Variants in ZNF91 observed in about 807,000 individuals in gnomAD.
The protein encoded by ZNF91 is zinc finger protein 91, also known as zinc finger protein 91 (HPF7, HTF10).
ZNF91 carries 7 observed loss-of-function variants against 12.6 expected under a neutral mutation model. The observed-to-expected ratio is 0.55, with a 90% CI of 0.31 to 1.04. ZNF91 has a LOEUF of 1.04. Among genes scored for constraint, ZNF91 ranks in the 50% least tolerant of loss-of-function variants. ZNF91 has a pLI of 0.05. For missense variants in ZNF91, 1,217 were observed against 1,385.4 expected, an observed-to-expected ratio of 0.88 and a Z score of 1.93; for synonymous variants, 453 against 462.6, an observed-to-expected ratio of 0.98 and a Z score of 0.27.
At chr19:23,383,191 C>A (rs1969775221) in intron 1 of ZNF91, among the ~76,000 whole-genome samples, 1 of 152,152 alleles carries the variant, frequency 6.6e-6, no homozygotes, top group Non-Finnish European at 1.5e-5. Flanking sequence ...TCAACATACA[C>A]AAATTAATAA....
upstream of ZNF91, among the ~76,000 whole-genome samples, chr19:23,313,447 T>C (rs538807921): frequency 1.1e-4 from 16 of 152,334 alleles, no homozygotes; most frequent in South Asian, 3.1e-3. Flanking sequence ...TGTTCTTCCC[T>C]CAGGGGAGAC....
At chr19:23,375,717 A>T (rs192994790) in intron 1 of ZNF91, among the ~76,000 whole-genome samples, 1 of 148,064 alleles carries the variant, frequency 6.8e-6, no homozygotes, top group African/African-American at 2.5e-5. Context: ...AAGAAAACCT[A>T]AAAAAAAAAG....
intron 3 of ZNF91, among the ~76,000 whole-genome samples, chr19:23,346,792 A>G (rs1371163332): frequency 6.6e-6 from 1 of 152,074 alleles, no homozygotes; most frequent in Non-Finnish European, 1.5e-5. Context: ...CTATCTCTCC[A>G]TGCCAACTTA....
chr19:23,334,215 G>A (rs923777027), downstream of ZNF91, among the ~76,000 whole-genome samples: 9 of 152,174 alleles, frequency 5.9e-5, no homozygotes, highest in African/African-American at 1.4e-4. Context: ...AGGACAAGAA[G>A]TAGAGTGTGA....
intron 1 of ZNF91, chr19:23,324,664 T>G (rs1299902158): frequency 3.9e-5 from 6 of 152,024 alleles, no homozygotes; most frequent in African/African-American, 1.4e-4. Context: ...AGATTATGAC[T>G]CACTGTAGCC....
intron 1 of ZNF91, chr19:23,326,607 A>AT (rs1967842935): frequency 6.6e-6 from 1 of 152,186 alleles, no homozygotes. Flanking sequence ...GATTACAGGC[A>AT]TAAGACACCA....
At chr19:23,307,147 C>T (rs1277398174) in intron 3 of ZNF91, 2 of 152,186 alleles carry the variant, frequency 1.3e-5, no homozygotes, top group African/African-American at 4.8e-5. Context: ...CTGCACTCAA[C>T]ACAAAGATTA....
Position 23,361,141 on chromosome 19 carries a change from C to T in ZNF91, c.1838G>A (p.Trp613Ter), listed in dbSNP as rs1394629357. ...CTTATGTCTTCTTAGGGTTGAGGAC[C>T]ATAGAAATGCTTTGCCACATTCTTC... ...KCEECGKAFLWSSTLRRHKRI... is the reference protein window; with the variant it reads ...KCEECGKAFL Residue 613 changes from tryptophan (W) to a stop codon, truncating the protein, a stop_gained, in exon 4 of 4, where the codon TGG becomes TAG. Coordinates refer to ENST00000300619, the MANE Select transcript of ZNF91 (RefSeq NM_003430.4). LOFTEE classifies it low-confidence loss of function (END_TRUNC). 6.2e-7 allele frequency: 1 copy of T among 1,610,998 alleles called. No individual in the cohort carries two copies. The highest frequency in any genetic ancestry group is 1.1e-5 in the South Asian group (1 of 90,930).
chr19:23,349,108 T>C (rs1394063063), intron 3 of ZNF91, among the ~76,000 whole-genome samples: 1 of 152,196 alleles, frequency 6.6e-6, no homozygotes, highest in Non-Finnish European at 1.5e-5. Flanking sequence ...TAGCGGGACA[T>C]GGACACTCAT....
At chr19:23,355,362 C>A (rs1474537679), downstream of ZNF91, among the ~76,000 whole-genome samples, 1 of 152,094 alleles carries the variant, frequency 6.6e-6, no homozygotes, top group Non-Finnish European at 1.5e-5. Context: ...GGGAAGTATA[C>A]CCTTTCAACA....
Position 23,329,518 on chromosome 19 carries a change from G to A in ZNF91, n.117-20421C>T, listed in dbSNP as rs894887304. Among the ~76,000 whole-genome samples the A allele has an allele frequency of 9.2e-5, 14 of 152,196 alleles. 1 individual carries two copies. Among genetic ancestry groups the A allele is most frequent in the Admixed American group, 4.6e-4 (7 of 15,280 alleles). On this transcript the variant is annotated intron_variant and non_coding_transcript_variant, in intron 1 of 1. Transcript: ENST00000596528. ...TTCAGCAGTAATCTGTGAAAATAAAGTTTATGTAGTAAACGGAAGTTGCTG... is the reference window on the plus strand; with the variant it reads ...TTCAGCAGTAATCTGTGAAAATAAAATTTATGTAGTAAACGGAAGTTGCTG...
In ZNF91 at chr19:23,323,484, TCTTC is replaced by T. The variant is rs1480325578; in HGVS notation, n.117-14391_117-14388del. On this transcript the variant is annotated intron_variant and non_coding_transcript_variant, in intron 1 of 1. Coordinates refer to the ZNF91 transcript ENST00000596528. ...TTCTCTGTCCTCTTCTCCTCCGTCT[TCTTC>T]CTATCATCCTCCTTTTCCTTTCTTC... is the stretch of plus-strand genomic sequence containing the variant. 1.1e-4 allele frequency among the ~76,000 whole-genome samples: 14 copies of T among 125,702 alleles called. 1 individual carries two copies. The highest frequency in any genetic ancestry group is 4.4e-4 in the Admixed American group (6 of 13,546). The allele number at this position is 125,702 out of a possible 152,430, so 82.5% of individuals were successfully genotyped here. A position where few individuals can be genotyped will look rare whatever the true frequency, so the allele number is the denominator to read the frequency against.
At chr19:23,337,085 G>A (rs1470318067), downstream of ZNF91, among the ~76,000 whole-genome samples, 1 of 151,954 alleles carries the variant, frequency 6.6e-6, no homozygotes, top group African/African-American at 2.4e-5. Flanking sequence ...TCCATCACTC[G>A]AATAATGTAC....
At chr19:23,376,877 C>A (rs1599746240) in intron 1 of ZNF91, among the ~76,000 whole-genome samples, 1 of 152,098 alleles carries the variant, frequency 6.6e-6, no homozygotes, top group East Asian at 1.9e-4. Flanking sequence ...CTCTCAAATT[C>A]TTTCTCAGAT....
chr19:23,347,551 A>G (rs1043181305), intron 3 of ZNF91, among the ~76,000 whole-genome samples: 1 of 152,138 alleles, frequency 6.6e-6, no homozygotes, highest in African/African-American at 2.4e-5. Flanking sequence ...TACCAAGCCC[A>G]AAACCTTCAA....
chr19:23,368,515 T>C (rs1165681043), intron 3 of ZNF91, among the ~76,000 whole-genome samples: 3 of 6,924 alleles, frequency 4.3e-4, no homozygotes, highest in African/African-American at 1.6e-3. Flanking sequence ...ACTCCATCTC[T>C]CTCTCTCTCT....
chr19:23,384,865 G>A, intron 1 of ZNF91: 1 of 747,160 alleles, frequency 1.3e-6, no homozygotes, highest in Non-Finnish European at 2.5e-6. Flanking sequence ...CACGATCACT[G>A]GAGGGTCCCA....
At chr19:23,395,021 G>C (rs115423207) in intron 1 of ZNF91, among the ~76,000 whole-genome samples, 3 of 152,122 alleles carry the variant, frequency 2.0e-5, no homozygotes, top group Non-Finnish European at 4.4e-5. Context: ...CTCCCCTGAC[G>C]ACCCTCCCGT....
intron 1 of ZNF91, among the ~76,000 whole-genome samples, chr19:23,323,673 CCTCCTCCTCTACTT>C (rs1251665211): frequency 1.6e-5 from 2 of 123,556 alleles, no homozygotes; most frequent in Non-Finnish European, 3.2e-5. Flanking sequence ...CCTCTTCTCT[CCTCCTCCTCTACTT>C]CTCCTTCTTT....
Sources: gnomAD v4.1 joint callset for allele counts (sites outside exome capture counted in the v4.1 genomes callset) on GRCh38, gnomAD v4.1.1 for gene constraint, MANE v1.5 for transcripts, NCBI Gene and HGNC (gene_info 2026-07-23, HGNC 2026-07-21) for gene names.